Variants in SRGAP1 observed in about 807,000 individuals in gnomAD.
SRGAP1 encodes SLIT-ROBO Rho GTPase-activating protein 1.
Under a neutral mutation model 121.9 loss-of-function variants are expected in SRGAP1, and 43 were observed. That is an observed-to-expected ratio of 0.35 (90% CI 0.28 to 0.46). The LOEUF is 0.46. Ranked by LOEUF, SRGAP1 falls within the 20% of genes least tolerant of loss-of-function variation. The pLI, the probability that SRGAP1 is intolerant of heterozygous loss-of-function variation, is 1.00. For missense variants in SRGAP1, 1,102 were observed against 1,350.9 expected, an observed-to-expected ratio of 0.82 and a Z score of 2.89; for synonymous variants, 447 against 485.4, an observed-to-expected ratio of 0.92 and a Z score of 1.04.
At chr12:63,951,150 C>CTGT (rs1368945009) in intron 1 of SRGAP1, among the ~76,000 whole-genome samples, 1 of 99,154 alleles carries the variant, frequency 1.0e-5, no homozygotes, top group Non-Finnish European at 1.9e-5. Flanking sequence ...CCATTTAGAA[C>CTGT]TCTTTTTTTT....
At chr12:64,061,501 T>C (rs2035449572) in intron 6 of SRGAP1, among the ~76,000 whole-genome samples, 1 of 152,212 alleles carries the variant, frequency 6.6e-6, no homozygotes, top group Admixed American at 6.5e-5. Context: ...TCTTTTCTTT[T>C]GGTATTTGAT....
chr12:63,885,355 G>A (rs1186846981), intron 1 of SRGAP1, among the ~76,000 whole-genome samples: 1 of 152,170 alleles, frequency 6.6e-6, no homozygotes, highest in African/African-American at 2.4e-5. Context: ...GAGATGCCAA[G>A]GGCGAGGTAT....
At chr12:64,132,922 G>A (rs1371263043) in intron 21 of SRGAP1, among the ~76,000 whole-genome samples, 1 of 152,252 alleles carries the variant, frequency 6.6e-6, no homozygotes, top group Non-Finnish European at 1.5e-5. Flanking sequence ...GACAAGAATG[G>A]AGAAAAAGGC....
chr12:63,881,971 T>C (rs1900209796), intron 1 of SRGAP1, among the ~76,000 whole-genome samples: 1 of 152,110 alleles, frequency 6.6e-6, no homozygotes, highest in African/African-American at 2.4e-5. Flanking sequence ...GACTGCAGTA[T>C]TGGGAAATAT....
intron 21 of SRGAP1, among the ~76,000 whole-genome samples, chr12:64,133,566 A>G (rs755973501): frequency 2.6e-5 from 4 of 152,130 alleles, no homozygotes; most frequent in Non-Finnish European, 5.9e-5. Flanking sequence ...TCCCCATTAC[A>G]CAGTTACCCT....
Position 64,043,437 on chromosome 12 carries a change from T to C in SRGAP1, c.673-10T>C. 1 of 1,605,222 alleles carries C rather than the reference T, an allele frequency of 6.2e-7. No individual in the cohort carries two copies. ...ATTCTTTCCCAATGCCTGGATCTTC[T>C]TCATTCCAGAGACAAGCAAAATATT... On this transcript the variant is annotated splice_polypyrimidine_tract_variant and intron_variant, in intron 5 of 21. Coordinates refer to ENST00000355086, the MANE Select transcript of SRGAP1 (RefSeq NM_020762.4).
chr12:64,039,618 A>G (rs974847801), intron 4 of SRGAP1, among the ~76,000 whole-genome samples: 2 of 68,780 alleles, frequency 2.9e-5, no homozygotes, highest in African/African-American at 8.8e-5. Context: ...GAATACAGAC[A>G]GCTGAGCAAC....
At chr12:63,862,593 C>G (rs1899493082) in intron 1 of SRGAP1, among the ~76,000 whole-genome samples, 1 of 152,208 alleles carries the variant, frequency 6.6e-6, no homozygotes, top group African/African-American at 2.4e-5. Flanking sequence ...ACCTTTTTCA[C>G]TTCTGAAGAT....
chr12:64,115,882 C>T lies in SRGAP1; in HGVS notation c.2213C>T (p.Thr738Ile). 2 of 1,612,454 alleles carry T rather than the reference C, an allele frequency of 1.2e-6. No homozygotes were observed. The highest frequency in any genetic ancestry group is 2.2e-5 in the South Asian group (2 of 90,764). The change falls in exon 18 of 22, where the codon ACA becomes ATA. Residue 738 changes from threonine (T) to isoleucine (I), a missense_variant. Thr to Ile is a moderately conservative substitution (Grantham distance 89). Coordinates refer to ENST00000355086, the MANE Select transcript of SRGAP1 (RefSeq NM_020762.4). Reference sequence around the variant, plus strand: ...CAAGATGCTGGTACAGAGCCCCACACAAGTGAAGATGGTATGCTCTCCCCT... The same window carrying T: ...CAAGATGCTGGTACAGAGCCCCACATAAGTGAAGATGGTATGCTCTCCCCT... ...VDQDAGTEPH[T>I]SEDECEPIEA...
chr12:63,938,361 G>A (rs962825982), intron 1 of SRGAP1, among the ~76,000 whole-genome samples: 6 of 152,270 alleles, frequency 3.9e-5, no homozygotes, highest in Middle Eastern at 3.4e-3. Flanking sequence ...CCTGGTTCGG[G>A]GTGGAGTCTT....
chr12:63,872,346 A>T (rs540710723), intron 1 of SRGAP1, among the ~76,000 whole-genome samples: 1 of 152,334 alleles, frequency 6.6e-6, no homozygotes, highest in South Asian at 2.1e-4. Flanking sequence ...CAAGAAGTGC[A>T]TCCATGAAAG....
At chr12:64,067,884 A>C (rs1040679715) in intron 8 of SRGAP1, among the ~76,000 whole-genome samples, 17 of 151,650 alleles carry the variant, frequency 1.1e-4, no homozygotes, top group Non-Finnish European at 2.1e-4. Flanking sequence ...GTGCCACTGC[A>C]CTCTAGCCTG....
intron 2 of SRGAP1, among the ~76,000 whole-genome samples, chr12:63,988,848 T>A (rs1396454389): frequency 1.3e-5 from 2 of 152,258 alleles, no homozygotes; most frequent in African/African-American, 4.8e-5. Context: ...TCTCGCCCTG[T>A]CGCCCAGGCT....
At chr12:64,041,138 A>G (rs1207603034) in intron 4 of SRGAP1, among the ~76,000 whole-genome samples, 2 of 152,082 alleles carry the variant, frequency 1.3e-5, no homozygotes, top group African/African-American at 4.8e-5. Context: ...TTTATAAAGC[A>G]AATAGTTGAA....
intron 8 of SRGAP1, among the ~76,000 whole-genome samples, chr12:64,075,183 T>C (rs1191805740): frequency 6.6e-6 from 1 of 152,208 alleles, no homozygotes; most frequent in East Asian, 1.9e-4. Flanking sequence ...AGCCAGTCAT[T>C]AGCATTGTTT....
At chr12:64,030,234 T>C (rs11836824) in intron 4 of SRGAP1, among the ~76,000 whole-genome samples, 58,738 of 151,884 alleles carry the variant, frequency 0.39, 12,056 homozygotes, top group Non-Finnish European at 0.48. Flanking sequence ...TTAAGTCCAA[T>C]AAGACAAGGC....
chr12:64,030,559 T>C (rs2034753384), intron 4 of SRGAP1, among the ~76,000 whole-genome samples: 1 of 152,252 alleles, frequency 6.6e-6, no homozygotes, highest in Admixed American at 6.5e-5. Flanking sequence ...TAATTTATGT[T>C]AACATTTAAA....
Position 64,158,177 on chromosome 12 carries a change from G to T in SRGAP1, c.*15505G>T, listed in dbSNP as rs2136669426. The stretch of plus-strand genomic sequence containing the variant: ...GCCCAGAGCAATTAAACACTGCCTG[G>T]TGCATAGTTAGTGCTCAAGAATTGT... On this transcript the variant is annotated 3_prime_UTR_variant, in exon 22 of 22. Transcript: ENST00000355086. 1 of 152,332 alleles carries T rather than the reference G, an allele frequency of 6.6e-6. No individual in the cohort carries two copies. Among genetic ancestry groups the T allele is most frequent in the Non-Finnish European group, 1.5e-5 (1 of 68,034 alleles). The allele number at this position is 152,332 out of a possible 1,614,324, so 9.4% of individuals were successfully genotyped here.
At chr12:63,959,223 C>T (rs904871719) in intron 1 of SRGAP1, among the ~76,000 whole-genome samples, 7 of 152,140 alleles carry the variant, frequency 4.6e-5, no homozygotes, top group African/African-American at 1.7e-4. Context: ...CAGAGAAACA[C>T]ATATCTGAAA....
Sources: gnomAD v4.1 joint callset for allele counts (sites outside exome capture counted in the v4.1 genomes callset) on GRCh38, gnomAD v4.1.1 for gene constraint, MANE v1.5 for transcripts, NCBI Gene and HGNC (gene_info 2026-07-23, HGNC 2026-07-21) for gene names.